The following MARCHF8 variants were observed in gnomAD, a reference collection of about 807,000 sequenced individuals.
The protein encoded by MARCHF8 is E3 ubiquitin-protein ligase MARCHF8.
In MARCHF8, 40 loss-of-function variants were observed where a neutral mutation model predicts 51.6. The ratio of observed to expected loss-of-function variants is 0.77; its 90% CI spans 0.60 to 1.01. MARCHF8 has a LOEUF of 1.01. MARCHF8 is among the 50% of genes least tolerant of loss of function. The pLI is 0.00. For missense variants in MARCHF8, 685 were observed against 708.6 expected (o/e 0.97, Z 0.38); for synonymous variants, 263 against 280.3 (o/e 0.94, Z 0.62).
chr10:45,531,512 T>A (rs925927345), intron 2 of MARCHF8, among the ~76,000 whole-genome samples: 8 of 152,050 alleles, frequency 5.3e-5, no homozygotes, highest in Admixed American at 2.0e-4. Context: ...TAAAAGACAA[T>A]AATGAAAAGG....
intron 1 of MARCHF8, among the ~76,000 whole-genome samples, chr10:45,541,313 T>C (rs1031328404): frequency 6.6e-6 from 1 of 152,032 alleles, no homozygotes; most frequent in African/African-American, 2.4e-5. Context: ...AGCAAACTAT[T>C]GCAAGGACAA....
intron 1 of MARCHF8, among the ~76,000 whole-genome samples, chr10:45,567,333 T>C (rs901731731): frequency 6.6e-6 from 1 of 152,260 alleles, no homozygotes; most frequent in African/African-American, 2.4e-5. Context: ...TTGTGGGTTA[T>C]TGCTCAAGGC....
chr10:45,501,359 A>T (rs1203663421), intron 2 of MARCHF8, among the ~76,000 whole-genome samples: 1 of 152,156 alleles, frequency 6.6e-6, no homozygotes, highest in African/African-American at 2.4e-5. Flanking sequence ...AAGACAGAGA[A>T]TCCAGAAATC....
At chr10:45,461,175 G>A in intron 6 of MARCHF8, 56 bp downstream of exon 6, 1 of 1,356,550 alleles carries the variant, frequency 7.4e-7, no homozygotes, top group Non-Finnish European at 9.8e-7. Context: ...TGAGACACCA[G>A]CTTTCTGGGG....
In MARCHF8 at chr10:45,587,843, G is replaced by A. The variant is rs115518052; in HGVS notation, c.-79+6392C>T. ...TGGGCAAAGGATAGAGAAAGGGGAA[G>A]AAACTCAATAGGGAAAGAATTACCT... is the stretch of plus-strand genomic sequence containing the variant. On this transcript the variant is annotated intron_variant, in intron 1 of 6. Coordinates refer to the MARCHF8 transcript ENST00000319836. Among the ~76,000 whole-genome samples, 1,022 of 152,180 alleles carry A rather than the reference G, an allele frequency of 6.7e-3. 9 individuals are homozygous for A. The highest frequency in any genetic ancestry group is 0.023 in the African/African-American group (973 of 41,522).
chr10:45,576,799 G>T (rs1468885746), intron 1 of MARCHF8, among the ~76,000 whole-genome samples: 4 of 150,578 alleles, frequency 2.7e-5, no homozygotes, highest in African/African-American at 9.8e-5. Context: ...AACTAGCCAG[G>T]CATGGTGGCA....
intron 2 of MARCHF8, among the ~76,000 whole-genome samples, chr10:45,516,533 G>A (rs763423500): frequency 3.9e-5 from 6 of 152,158 alleles, no homozygotes; most frequent in African/African-American, 7.2e-5. Flanking sequence ...GGAGGCCAAG[G>A]TGGGTGGATC....
intron 1 of MARCHF8, among the ~76,000 whole-genome samples, chr10:45,560,159 C>T (rs558256607): frequency 6.6e-6 from 1 of 152,096 alleles, no homozygotes; most frequent in Non-Finnish European, 1.5e-5. Context: ...AGCTGAGAAC[C>T]AGAAAAACGA....
intron 2 of MARCHF8, among the ~76,000 whole-genome samples, chr10:45,506,306 T>C (rs942684619): frequency 1.3e-5 from 2 of 152,230 alleles, no homozygotes; most frequent in African/African-American, 4.8e-5. Flanking sequence ...GTATCTTTAC[T>C]GATTTATCAA....
chr10:45,539,152 G>GTA (rs1472541413), upstream of MARCHF8, among the ~76,000 whole-genome samples: 3 of 152,158 alleles, frequency 2.0e-5, no homozygotes, highest in East Asian at 5.8e-4. Flanking sequence ...CTAGAACTCA[G>GTA]GATTAAGAAA....
At chr10:45,581,378 A>G (rs759503105) in intron 1 of MARCHF8, among the ~76,000 whole-genome samples, 2 of 152,210 alleles carry the variant, frequency 1.3e-5, no homozygotes, top group Non-Finnish European at 2.9e-5. Context: ...ACAATTCAGC[A>G]GGAACAAGAC....
At chr10:45,459,304 T>C (rs1842714062) in intron 6 of MARCHF8, 37 bp from the exon 7 acceptor site, 1 of 1,607,172 alleles carries the variant, frequency 6.2e-7, no homozygotes, top group Non-Finnish European at 8.5e-7. Context: ...CTCAGGCTTC[T>C]GGGGAAGGGC....
intron 1 of MARCHF8, among the ~76,000 whole-genome samples, chr10:45,555,240 A>T (rs2044238845): frequency 6.6e-6 from 1 of 151,722 alleles, no homozygotes; most frequent in Non-Finnish European, 1.5e-5. Context: ...CAAGAAAAAA[A>T]GAAGGGACAA....
chr10:45,511,067 CAT>C (rs1289988812), intron 2 of MARCHF8, among the ~76,000 whole-genome samples: 5 of 152,082 alleles, frequency 3.3e-5, no homozygotes, highest in African/African-American at 4.8e-5. Context: ...TTACATATAA[CAT>C]ATGATTAGAA....
intron 2 of MARCHF8, among the ~76,000 whole-genome samples, chr10:45,514,212 G>A (rs1324016825): frequency 6.6e-6 from 1 of 152,188 alleles, no homozygotes; most frequent in Admixed American, 6.5e-5. Flanking sequence ...TTTCTGGCTG[G>A]GAACCTCAAG....
chr10:45,548,103 A>C (rs1385207777), intron 1 of MARCHF8, among the ~76,000 whole-genome samples: 1 of 152,240 alleles, frequency 6.6e-6, no homozygotes, highest in African/African-American at 2.4e-5. Flanking sequence ...CAGAGGTTGA[A>C]GCCAAGAGCG....
intron 5 of MARCHF8, chr10:45,461,699 G>A (rs1402342926): frequency 4.0e-6 from 1 of 252,002 alleles, no homozygotes; most frequent in Non-Finnish European, 7.5e-6. Flanking sequence ...GAACTTCACT[G>A]AAAGATGAAT....
intron 6 of MARCHF8, 76 bp from the exon 7 acceptor site, chr10:45,459,343 G>C: frequency 6.7e-7 from 1 of 1,490,602 alleles, no homozygotes; most frequent in Non-Finnish European, 9.0e-7. Flanking sequence ...TTGTAGGTAG[G>C]TAAGATTGGC....
At chr10:45,515,921 A>T (rs1351456486) in intron 2 of MARCHF8, among the ~76,000 whole-genome samples, 2 of 152,176 alleles carry the variant, frequency 1.3e-5, no homozygotes, top group African/African-American at 4.8e-5. Context: ...TCTCCCAGGG[A>T]TATCCTTTTC....
Sources: allele counts gnomAD v4.1 joint callset (sites outside exome capture counted in the v4.1 genomes callset), GRCh38; gene constraint gnomAD v4.1.1; transcripts MANE v1.5; gene names NCBI Gene and HGNC (gene_info 2026-07-23, HGNC 2026-07-21).